Variants in ENOPH1 observed in about 807,000 individuals in gnomAD.
ENOPH1 encodes enolase-phosphatase E1.
In ENOPH1, 14 loss-of-function variants were observed where a neutral mutation model predicts 31.1. That is an observed-to-expected ratio of 0.45 (90% CI 0.30 to 0.70). ENOPH1 has a LOEUF of 0.70. Among genes scored for constraint, ENOPH1 ranks in the 30% least tolerant of loss-of-function variants. The pLI is 0.09. For missense variants in ENOPH1, 243 were observed against 321.5 expected, an observed-to-expected ratio of 0.76 and a Z score of 1.87; for synonymous variants, 127 against 123.2, an observed-to-expected ratio of 1.03 and a Z score of -0.21.
At chr4:82,459,954 A>G (rs1722602552) in intron 5 of ENOPH1, 27 bp from the exon 6 acceptor site, 3 of 1,611,546 alleles carry the variant, frequency 1.9e-6, no homozygotes, top group Non-Finnish European at 2.5e-6. Flanking sequence ...TGTTTCTGAC[A>G]CACACACATC....
At chr4:82,457,155 T>A in intron 5 of ENOPH1, 117 bp downstream of exon 5, 1 of 1,007,136 alleles carries the variant, frequency 9.9e-7, no homozygotes, top group Non-Finnish European at 1.4e-6. Flanking sequence ...TAAAACAGTT[T>A]TACGGTTTTA....
intron 3 of ENOPH1, among the ~76,000 whole-genome samples, chr4:82,454,160 G>A (rs1042253011): frequency 3.9e-5 from 6 of 152,070 alleles, no homozygotes; most frequent in Admixed American, 1.3e-4. Context: ...GTTGCAGTGA[G>A]CTGAGATCAT....
At chr4:82,459,955 CA>C (rs1674328889) in intron 5 of ENOPH1, 25 bp from the exon 6 acceptor site, 2 of 1,611,640 alleles carry the variant, frequency 1.2e-6, no homozygotes, top group African/African-American at 2.7e-5. Context: ...GTTTCTGACA[CA>C]CACACATCCT....
chr4:82,441,393 T>C (rs1043095687), intron 1 of ENOPH1, among the ~76,000 whole-genome samples: 1 of 152,046 alleles, frequency 6.6e-6, no homozygotes, highest in Admixed American at 6.6e-5. Context: ...GAGGCCAAGG[T>C]GGGCAGATCA....
In ENOPH1 at chr4:82,430,820, C is replaced by T; in HGVS notation, c.-10C>T. On this transcript the variant is annotated 5_prime_UTR_variant, in exon 1 of 6. Coordinates refer to ENST00000273920, the MANE Select transcript of ENOPH1 (RefSeq NM_021204.5). ...ACAGCAGGCCGAGTCCCGTAGCATCCGGTAGGGAAATGGTCGTGCTTTCGG... is the reference window on the plus strand; with the variant it reads ...ACAGCAGGCCGAGTCCCGTAGCATCTGGTAGGGAAATGGTCGTGCTTTCGG... The T allele has an allele frequency of 6.2e-7, 1 of 1,613,808 alleles. No individual in the cohort carries two copies. The highest frequency in any genetic ancestry group is 8.5e-7 in the Non-Finnish European group (1 of 1,179,734).
rs1722264684 is a variant in ENOPH1 at position 82,448,789 on chromosome 4, TG to T, written c.186+770del. Among the ~76,000 whole-genome samples the T allele has an allele frequency of 6.6e-5, 10 of 151,396 alleles. 1 individual carries two copies. In the South Asian group the frequency reaches 1.9e-3, roughly 28 times the overall value. ...ATACAAAAAATTAGGCCGGGCGCGG[TG>T]GCTCACGCCTGTAATCCCAGCACTT... On this transcript the variant is annotated intron_variant, in intron 2 of 5. Coordinates refer to ENST00000273920, the MANE Select transcript of ENOPH1 (RefSeq NM_021204.5).
Position 82,430,908 on chromosome 4 carries a change from G to A in ENOPH1, c.79G>A (p.Val27Met). Reference protein sequence around the residue: ...IEGTTTPIAFVKDILFPYIEE... With the variant: ...IEGTTTPIAFMKDILFPYIEE... ...AGGTACCACAACCCCGATTGCTTTC[G>A]TGAAGGTGAGGGGCGGAAGGGAGCG... Residue 27 changes from valine (V) to methionine (M), a missense_variant, in exon 1 of 6, where the codon GTG becomes ATG. By Grantham distance (21) the Val-to-Met change is conservative (BLOSUM62 1). Transcript: ENST00000273920. 1 of 1,613,972 alleles carries A rather than the reference G, an allele frequency of 6.2e-7. No individual in the cohort carries two copies. The highest frequency in any genetic ancestry group is 8.5e-7 in the Non-Finnish European group (1 of 1,179,802).
intron 1 of ENOPH1, among the ~76,000 whole-genome samples, chr4:82,433,390 G>T (rs1165497913): frequency 6.6e-6 from 1 of 152,100 alleles, no homozygotes; most frequent in Non-Finnish European, 1.5e-5. Context: ...TTCTGAATTT[G>T]ACGCTAGGCA....
intron 3 of ENOPH1, among the ~76,000 whole-genome samples, chr4:82,453,327 T>C (rs988850706): frequency 4.6e-5 from 7 of 152,224 alleles, no homozygotes; most frequent in African/African-American, 1.7e-4. Flanking sequence ...TTATGTACTT[T>C]ACGAGGAGCT....
At chr4:82,450,404 G>A (rs1722317511) in intron 2 of ENOPH1, among the ~76,000 whole-genome samples, 1 of 152,160 alleles carries the variant, frequency 6.6e-6, no homozygotes, top group African/African-American at 2.4e-5. Flanking sequence ...TGTTAAATGA[G>A]GACTTACTTT....
At chr4:82,435,953 A>G (rs1721894418) in intron 1 of ENOPH1, among the ~76,000 whole-genome samples, 1 of 152,224 alleles carries the variant, frequency 6.6e-6, no homozygotes, top group Non-Finnish European at 1.5e-5. Context: ...AAAGCCTTTG[A>G]AAATTACGAA....
At chr4:82,433,092 T>G (rs978516214) in intron 1 of ENOPH1, among the ~76,000 whole-genome samples, 1 of 152,188 alleles carries the variant, frequency 6.6e-6, no homozygotes, top group Non-Finnish European at 1.5e-5. Flanking sequence ...CCACTCTGGC[T>G]CTCTCTTGCT....
At chr4:82,438,346 T>C (rs887367461) in intron 1 of ENOPH1, among the ~76,000 whole-genome samples, 8 of 152,164 alleles carry the variant, frequency 5.3e-5, no homozygotes, top group African/African-American at 1.9e-4. Flanking sequence ...TTGAAAGATA[T>C]GTAGTCAGAC....
intron 2 of ENOPH1, among the ~76,000 whole-genome samples, chr4:82,449,213 C>T (rs1486635742): frequency 6.6e-6 from 1 of 152,138 alleles, no homozygotes; most frequent in Non-Finnish European, 1.5e-5. Flanking sequence ...GCACTCTAGC[C>T]TGGGCTACAG....
In ENOPH1 at chr4:82,460,486, T is replaced by G. The variant is rs901822707; in HGVS notation, c.*366T>G. On this transcript the variant is annotated 3_prime_UTR_variant, in exon 6 of 6. Coordinates refer to ENST00000273920, the MANE Select transcript of ENOPH1 (RefSeq NM_021204.5). ...GTTTTGAGAAATTATTCAGAAGCCT[T>G]GTTATTTTAAAAATGAAATATTTCA... The G allele has an allele frequency of 6.2e-6, 1 of 160,312 alleles. No individual in the cohort carries two copies. Among genetic ancestry groups the G allele is most frequent in the Admixed American group, 6.3e-5 (1 of 15,758 alleles). The allele number at this position is 160,312 out of a possible 1,614,324, so 9.9% of individuals were successfully genotyped here.
chr4:82,452,442 G>A (rs1028667601), intron 3 of ENOPH1, among the ~76,000 whole-genome samples: 4 of 151,708 alleles, frequency 2.6e-5, no homozygotes, highest in African/African-American at 7.3e-5. Flanking sequence ...TGGAGTAGCC[G>A]CCTGCCACTA....
intron 1 of ENOPH1, among the ~76,000 whole-genome samples, chr4:82,436,184 A>G (rs939507422): frequency 6.6e-6 from 1 of 152,204 alleles, no homozygotes; most frequent in African/African-American, 2.4e-5. Context: ...GTTGATCTCT[A>G]AGAATTTGTG....
intron 1 of ENOPH1, among the ~76,000 whole-genome samples, chr4:82,436,014 T>C (rs910285532): frequency 6.6e-6 from 1 of 152,080 alleles, no homozygotes; most frequent in African/African-American, 2.4e-5. Flanking sequence ...CTGGAGGAAA[T>C]AGAAAGTGCT....
In ENOPH1 at chr4:82,451,261, A is replaced by T; in HGVS notation, c.389+16A>T. The T allele has an allele frequency of 6.2e-7, 1 of 1,611,538 alleles. No homozygotes were observed. Among genetic ancestry groups the T allele is most frequent in the Non-Finnish European group, 8.5e-7 (1 of 1,177,868 alleles). ...TGAAAGCAGAGTATGTGCTTGAGTC[A>T]GCCTAAACATTTCACCAGTCCCAAA... On this transcript the variant is annotated intron_variant, in intron 3 of 5. Transcript: ENST00000273920.
Sources: gnomAD v4.1 joint callset for allele counts (sites outside exome capture counted in the v4.1 genomes callset) on GRCh38, gnomAD v4.1.1 for gene constraint, MANE v1.5 for transcripts, NCBI Gene and HGNC (gene_info 2026-07-23, HGNC 2026-07-21) for gene names.